RGS6: variants seen among roughly 807,000 people sequenced by gnomAD.
RGS6 encodes the protein regulator of G-protein signaling 6.
Under a neutral mutation model 78.5 loss-of-function variants are expected in RGS6, and 30 were observed. That is an observed-to-expected ratio of 0.38 (90% CI 0.29 to 0.52). The LOEUF (loss-of-function observed/expected upper bound fraction) is 0.52. RGS6 is among the 20% of genes least tolerant of loss of function. The pLI, the probability that RGS6 is intolerant of heterozygous loss-of-function variation, is 0.85. For missense variants in RGS6, 495 were observed against 609.7 expected (o/e 0.81, Z 1.98); for synonymous variants, 206 against 206.0 (o/e 1.00, Z 0.00).
intron 2 of RGS6, among the ~76,000 whole-genome samples, chr14:72,334,320 G>T (rs2075633513): frequency 6.6e-6 from 1 of 152,230 alleles, no homozygotes; most frequent in Non-Finnish European, 1.5e-5. Flanking sequence ...CCTCCTAGCT[G>T]CGGAAAGAGC....
intron 2 of RGS6, among the ~76,000 whole-genome samples, chr14:72,179,036 A>C (rs548250366): frequency 6.6e-6 from 1 of 152,214 alleles, no homozygotes; most frequent in Non-Finnish European, 1.5e-5. Flanking sequence ...AAAACTAAGA[A>C]TATCTCAATC....
chr14:72,066,799 TTA>T (rs1227322388), intron 2 of RGS6, among the ~76,000 whole-genome samples: 1 of 151,500 alleles, frequency 6.6e-6, no homozygotes, highest in African/African-American at 2.4e-5. Flanking sequence ...TTCTTATACT[TTA>T]GAGGCAATTT....
In RGS6 at chr14:72,235,837, A is replaced by G. The variant is rs188603387; in HGVS notation, c.85-116258A>G. 4.9e-3 allele frequency among the ~76,000 whole-genome samples: 745 copies of G among 152,368 alleles called. 7 individuals are homozygous for G. The highest frequency in any genetic ancestry group is 0.016 in the African/African-American group (668 of 41,580). ...ACTGCTTATCAAATAAGGCTTTAAC[A>G]TAGAAATACATAAATTCTAGAAATT... is the stretch of plus-strand genomic sequence containing the variant. On this transcript the variant is annotated intron_variant, in intron 2 of 17. Coordinates refer to ENST00000553525, the MANE Select transcript of RGS6 (RefSeq NM_001204424.2).
intron 15 of RGS6, among the ~76,000 whole-genome samples, chr14:72,520,866 A>G (rs2097028041): frequency 6.6e-6 from 1 of 152,208 alleles, no homozygotes; most frequent in Non-Finnish European, 1.5e-5. Context: ...ACACAGCCCT[A>G]AGAGTGATCT....
the RGS6 span, among the ~76,000 whole-genome samples, chr14:72,603,442 A>G: frequency 1.3e-5 from 2 of 152,216 alleles, no homozygotes; most frequent in African/African-American, 4.8e-5. Flanking sequence ...ATCCATGCCT[A>G]TGAGGCAAAC....
At chr14:72,392,794 G>T (rs1007055395) in intron 3 of RGS6, among the ~76,000 whole-genome samples, 1 of 152,156 alleles carries the variant, frequency 6.6e-6, no homozygotes, top group African/African-American at 2.4e-5. Context: ...ACTTCTTCCT[G>T]CCAATCCTCA....
chr14:72,341,430 G>A (rs8022956), intron 2 of RGS6, among the ~76,000 whole-genome samples: 70,738 of 151,988 alleles, frequency 0.47, 16,789 homozygotes, highest in South Asian at 0.6. Context: ...GGGACACAGG[G>A]CCAAACCATA....
the RGS6 span, among the ~76,000 whole-genome samples, chr14:72,575,727 T>A: frequency 6.6e-6 from 1 of 152,256 alleles, no homozygotes; most frequent in Non-Finnish European, 1.5e-5. Flanking sequence ...TGCAGATTAC[T>A]CTGATTTGAT....
the RGS6 span, among the ~76,000 whole-genome samples, chr14:71,899,050 A>G: frequency 0.082 from 12,481 of 152,272 alleles, 633 homozygotes; most frequent in South Asian, 0.14. Context: ...GGAAAAACCA[A>G]TAGGCTGGTG....
chr14:72,434,904 C>T (rs1455856427), intron 3 of RGS6, among the ~76,000 whole-genome samples: 2 of 152,210 alleles, frequency 1.3e-5, no homozygotes, highest in East Asian at 3.8e-4. Flanking sequence ...TCACATTTAA[C>T]TAGGACAAAA....
At chr14:72,360,773 G>A (rs1322708405) in intron 3 of RGS6, among the ~76,000 whole-genome samples, 2 of 152,084 alleles carry the variant, frequency 1.3e-5, no homozygotes, top group African/African-American at 2.4e-5. Context: ...CTTTGATTGT[G>A]ACTGATATGG....
rs2095556120 is a variant in RGS6, at chr14:72,102,873, T to C, written c.84+137998T>C. 2.0e-5 allele frequency among the ~76,000 whole-genome samples: 3 copies of C among 152,358 alleles called. No individual in the cohort carries two copies. In the South Asian group the frequency reaches 6.2e-4, roughly 32 times the overall value. ...TTTTTCTTAAAAGTCTACTCGTTCG[T>C]GAAATCACAAGTTCACACTCAGGGT... On this transcript the variant is annotated intron_variant, in intron 2 of 17. Transcript: ENST00000553525.
At chr14:71,917,245 T>C in the RGS6 span, among the ~76,000 whole-genome samples, 7 of 152,158 alleles carry the variant, frequency 4.6e-5, no homozygotes, top group Admixed American at 3.9e-4. Context: ...AGTATGGAGA[T>C]GTGGGGTGAC....
rs548410587 is a variant in RGS6, at chr14:72,264,099, C to T, written c.85-87996C>T. 3.3e-5 allele frequency among the ~76,000 whole-genome samples: 5 copies of T among 152,272 alleles called. No individual in the cohort carries two copies. The East Asian group carries it at 9.6e-4, about 29-fold the overall frequency. On this transcript the variant is annotated intron_variant, in intron 2 of 17. Coordinates refer to ENST00000553525, the MANE Select transcript of RGS6 (RefSeq NM_001204424.2). Reference sequence around the variant, plus strand: ...TAGGATAAAGAAAATCAATAGTAGCCTTATATCAGTTCAGGTCAGGTTTTG... The same window carrying T: ...TAGGATAAAGAAAATCAATAGTAGCTTTATATCAGTTCAGGTCAGGTTTTG...
chr14:71,875,933 G>C, the RGS6 span, among the ~76,000 whole-genome samples: 2 of 152,166 alleles, frequency 1.3e-5, no homozygotes, highest in Admixed American at 6.5e-5. Context: ...ATGTTGTTCA[G>C]TTTCCATGTA....
chr14:71,936,573 T>C (rs746165435), intron 1 of RGS6, among the ~76,000 whole-genome samples: 25 of 152,142 alleles, frequency 1.6e-4, no homozygotes, highest in Middle Eastern at 3.4e-3. Context: ...ATACATAATC[T>C]TCAAATAAAG....
intron 3 of RGS6, among the ~76,000 whole-genome samples, chr14:72,356,566 T>C (rs750347399): frequency 3.3e-5 from 5 of 152,158 alleles, no homozygotes; most frequent in Non-Finnish European, 5.9e-5. Context: ...GTAGATGATA[T>C]GGTTTGGCCA....
At chr14:72,063,201 G>A (rs2093978190) in intron 2 of RGS6, among the ~76,000 whole-genome samples, 1 of 152,164 alleles carries the variant, frequency 6.6e-6, no homozygotes, top group African/African-American at 2.4e-5. Flanking sequence ...GCTCCCAACA[G>A]TTAGAGGTTG....
At chr14:71,953,842 T>G (rs887239206) in intron 1 of RGS6, among the ~76,000 whole-genome samples, 1 of 152,130 alleles carries the variant, frequency 6.6e-6, no homozygotes. Flanking sequence ...AAGAACTTCT[T>G]TTTGCATTTC....
Sources: allele counts gnomAD v4.1 joint callset (sites outside exome capture counted in the v4.1 genomes callset), GRCh38; gene constraint gnomAD v4.1.1; transcripts MANE v1.5; gene names NCBI Gene and HGNC (gene_info 2026-07-23, HGNC 2026-07-21).